SORBS2: variants seen among roughly 807,000 people sequenced by gnomAD.
SORBS2 encodes sorbin and SH3 domain containing 2.
A neutral mutation model predicts 97.7 loss-of-function variants in SORBS2; 46 were observed. The ratio of observed to expected loss-of-function variants is 0.47; its 90% CI spans 0.37 to 0.60. The LOEUF (loss-of-function observed/expected upper bound fraction) is 0.60. Ranked by LOEUF, SORBS2 falls within the 20% of genes least tolerant of loss-of-function variation. The probability of loss-of-function intolerance (pLI) is 0.00; values close to 1 mark genes in which losing one functional copy is unlikely to be tolerated. For missense variants in SORBS2, 1,316 were observed against 1,282.3 expected (o/e 1.03, Z -0.40); for synonymous variants, 476 against 473.4 (o/e 1.01, Z -0.07).
chr4:185,837,768 A>T (rs951542364), intron 1 of SORBS2, among the ~76,000 whole-genome samples: 19 of 152,158 alleles, frequency 1.2e-4, no homozygotes, highest in Admixed American at 9.8e-4. Context: ...AAATATGAAA[A>T]GAATCTCAAA....
At chr4:185,883,164 G>A (rs2099237703) in intron 1 of SORBS2, among the ~76,000 whole-genome samples, 2 of 151,982 alleles carry the variant, frequency 1.3e-5, no homozygotes, top group Non-Finnish European at 2.9e-5. Flanking sequence ...ATCAGGAGAA[G>A]AACTTATATT....
chr4:185,742,887 A>C (rs1354957008), intron 2 of SORBS2, among the ~76,000 whole-genome samples: 1 of 152,146 alleles, frequency 6.6e-6, no homozygotes, highest in Non-Finnish European at 1.5e-5. Context: ...TGAAGTTCAG[A>C]CTGTCTGCAC....
At chr4:185,737,076 G>C (rs2098692263) in intron 2 of SORBS2, among the ~76,000 whole-genome samples, 1 of 152,206 alleles carries the variant, frequency 6.6e-6, no homozygotes, top group Non-Finnish European at 1.5e-5. Flanking sequence ...AGTGCCTGAA[G>C]GAAGAACTGG....
chr4:185,949,044 C>G (rs927503090), intron 1 of SORBS2, among the ~76,000 whole-genome samples: 1 of 151,462 alleles, frequency 6.6e-6, no homozygotes, highest in Non-Finnish European at 1.5e-5. Context: ...TGCTCTTTAT[C>G]TATGTGTTCA....
intron 1 of SORBS2, among the ~76,000 whole-genome samples, chr4:185,820,260 T>C (rs569154373): frequency 1.3e-5 from 2 of 152,304 alleles, no homozygotes; most frequent in East Asian, 3.9e-4. Flanking sequence ...TGGGAACTTA[T>C]CGCAGGCTCC....
At chr4:185,864,485 T>G (rs1187242781) in intron 1 of SORBS2, among the ~76,000 whole-genome samples, 1 of 152,256 alleles carries the variant, frequency 6.6e-6, no homozygotes, top group African/African-American at 2.4e-5. Flanking sequence ...CTATTACATT[T>G]GAAGATTTGA....
intron 1 of SORBS2, among the ~76,000 whole-genome samples, chr4:185,925,878 A>C (rs778660099): frequency 2.0e-5 from 3 of 152,256 alleles, no homozygotes; most frequent in Admixed American, 6.5e-5. Flanking sequence ...TAGGGACTCA[A>C]TCCATATCAC....
chr4:185,620,389 T>C (rs912461785), intron 7 of SORBS2, among the ~76,000 whole-genome samples: 2 of 152,222 alleles, frequency 1.3e-5, no homozygotes, highest in African/African-American at 4.8e-5. Flanking sequence ...TATATAAATA[T>C]GATTACTACA....
At chr4:185,827,147 C>CAT (rs1386655153) in intron 1 of SORBS2, among the ~76,000 whole-genome samples, 1 of 29,768 alleles carries the variant, frequency 3.4e-5, no homozygotes, top group Admixed American at 3.8e-4. Context: ...ATCACCATTG[C>CAT]CATCATCATC....
chr4:185,733,579 G>A (rs1000904741), intron 2 of SORBS2, among the ~76,000 whole-genome samples: 2 of 152,198 alleles, frequency 1.3e-5, no homozygotes, highest in Non-Finnish European at 2.9e-5. Context: ...GGCGTTCCTG[G>A]TCCCCGGTGA....
intron 2 of SORBS2, among the ~76,000 whole-genome samples, chr4:185,750,252 C>T (rs980435854): frequency 1.3e-5 from 2 of 152,232 alleles, no homozygotes; most frequent in Non-Finnish European, 2.9e-5. Context: ...TAAGTGTTCA[C>T]TGTGTATACC....
At chr4:185,702,259 C>T (rs2098274294) in intron 2 of SORBS2, among the ~76,000 whole-genome samples, 1 of 152,228 alleles carries the variant, frequency 6.6e-6, no homozygotes, top group Non-Finnish European at 1.5e-5. Context: ...TTAGAGAGGC[C>T]TCATGATGCT....
chr4:185,760,912 A>G (rs1012502654), intron 2 of SORBS2, among the ~76,000 whole-genome samples: 1 of 152,280 alleles, frequency 6.6e-6, no homozygotes, highest in Non-Finnish European at 1.5e-5. Flanking sequence ...CCATGTTAGC[A>G]GAGCAGAAAA....
chr4:185,949,072 T>C (rs937388879), intron 1 of SORBS2, among the ~76,000 whole-genome samples: 3 of 151,508 alleles, frequency 2.0e-5, no homozygotes, highest in African/African-American at 7.3e-5. Flanking sequence ...ACAAGAAATT[T>C]CCAGGAAACA....
At chr4:185,825,011 C>A (rs1328066710) in intron 1 of SORBS2, among the ~76,000 whole-genome samples, 1 of 152,136 alleles carries the variant, frequency 6.6e-6, no homozygotes, top group African/African-American at 2.4e-5. Flanking sequence ...GATTTCATTG[C>A]ATCTCCAAAT....
chr4:185,933,941 C>T (rs923163055), intron 1 of SORBS2, among the ~76,000 whole-genome samples: 8 of 152,302 alleles, frequency 5.3e-5, no homozygotes, highest in Admixed American at 1.3e-4. Context: ...TTTAAAGTCT[C>T]TCTATAGATG....
At chr4:185,882,929 T>A (rs1242781829) in intron 1 of SORBS2, among the ~76,000 whole-genome samples, 1 of 152,130 alleles carries the variant, frequency 6.6e-6, no homozygotes, top group Non-Finnish European at 1.5e-5. Flanking sequence ...GAAATACATG[T>A]ACATCTTAAA....
chr4:185,790,617 T>C (rs1472674173), intron 1 of SORBS2, among the ~76,000 whole-genome samples: 2 of 152,206 alleles, frequency 1.3e-5, no homozygotes, highest in Admixed American at 6.5e-5. Flanking sequence ...AATTTATTTG[T>C]GCAGCCATAT....
chr4:185,827,182 AT>A (rs746659489), intron 1 of SORBS2, among the ~76,000 whole-genome samples: 2 of 51,538 alleles, frequency 3.9e-5, no homozygotes, highest in Non-Finnish European at 8.3e-5. Context: ...CATCATCAGA[AT>A]CACCATCATC....
Sources: allele counts gnomAD v4.1 joint callset (sites outside exome capture counted in the v4.1 genomes callset), GRCh38; gene constraint gnomAD v4.1.1; transcripts MANE v1.5; gene names NCBI Gene and HGNC (gene_info 2026-07-23, HGNC 2026-07-21).